The following MCTP1 variants were observed in gnomAD, a reference collection of about 807,000 sequenced individuals.
MCTP1 encodes the protein multiple C2 and transmembrane domain containing 1.
In MCTP1, 69 loss-of-function variants were observed where a neutral mutation model predicts 120.6. That is an observed-to-expected ratio of 0.57 (90% CI 0.47 to 0.70). The LOEUF is 0.70. Among genes scored for constraint, MCTP1 ranks in the 30% least tolerant of loss-of-function variants. MCTP1 has a pLI of 0.00. For missense variants in MCTP1, 1,203 were observed against 1,248.8 expected (o/e 0.96, Z 0.55); for synonymous variants, 529 against 493.1 (o/e 1.07, Z -0.96).
intron 2 of MCTP1, among the ~76,000 whole-genome samples, chr5:95,001,301 G>A (rs1833638518): frequency 6.6e-6 from 1 of 152,134 alleles, no homozygotes; most frequent in Admixed American, 6.5e-5. Flanking sequence ...GTGGGGCGCT[G>A]CTGTAAAGAT....
At chr5:95,173,479 T>A (rs1053028253) in intron 1 of MCTP1, among the ~76,000 whole-genome samples, 2 of 152,196 alleles carry the variant, frequency 1.3e-5, no homozygotes, top group Non-Finnish European at 2.9e-5. Context: ...ACCTCAAGTA[T>A]AGCCATCATC....
chr5:94,704,485 C>T lies in MCTP1; in HGVS notation c.*3011G>A, dbSNP rs1383695862. ...GTAGACTACTTTGAGCATAGGAGACCTTAGATATGAGATCAAAGTGGAAAA... is the reference window on the plus strand; with the variant it reads ...GTAGACTACTTTGAGCATAGGAGACTTTAGATATGAGATCAAAGTGGAAAA... On this transcript the variant is annotated 3_prime_UTR_variant, in exon 23 of 23. Transcript: ENST00000515393. 2 of 151,202 alleles carry T rather than the reference C, an allele frequency of 1.3e-5. No individual in the cohort carries two copies. The highest frequency in any genetic ancestry group is 2.4e-5 in the African/African-American group (1 of 41,240). 9.4% of individuals were successfully genotyped at this position (151,202 alleles called of 1,614,324 possible). A position where few individuals can be genotyped will look rare whatever the true frequency, so the allele number is the denominator to read the frequency against.
intron 17 of MCTP1, among the ~76,000 whole-genome samples, chr5:94,804,984 T>G (rs1781998663): frequency 6.6e-6 from 1 of 152,194 alleles, no homozygotes; most frequent in African/African-American, 2.4e-5. Flanking sequence ...AAAAATTCAT[T>G]ATTACTAGTA....
intron 1 of MCTP1, among the ~76,000 whole-genome samples, chr5:95,138,236 C>CCCCA (rs1554213180): frequency 6.7e-6 from 1 of 150,012 alleles, no homozygotes; most frequent in Non-Finnish European, 1.5e-5. Flanking sequence ...AGATGCAACC[C>CCCCA]CCCCCCGACA....
At chr5:94,840,281 A>G (rs1790726720) in intron 17 of MCTP1, among the ~76,000 whole-genome samples, 1 of 152,254 alleles carries the variant, frequency 6.6e-6, no homozygotes, top group African/African-American at 2.4e-5. Context: ...TAGGAATGCA[A>G]CACTGTATTC....
At chr5:95,125,903 C>T (rs7732431) in intron 1 of MCTP1, among the ~76,000 whole-genome samples, 105,806 of 152,060 alleles carry the variant, frequency 0.7, 36,972 homozygotes, top group Middle Eastern at 0.77. Flanking sequence ...TCCAACAAGA[C>T]CTTCTTCAAC....
intron 1 of MCTP1, among the ~76,000 whole-genome samples, chr5:95,206,788 G>A (rs888274526): frequency 3.3e-5 from 5 of 151,980 alleles, no homozygotes; most frequent in African/African-American, 9.7e-5. Context: ...CACCCCCCTC[G>A]GCCTCCCAAA....
intron 1 of MCTP1, among the ~76,000 whole-genome samples, chr5:95,119,465 T>C (rs1758049137): frequency 6.6e-6 from 1 of 152,064 alleles, no homozygotes; most frequent in African/African-American, 2.4e-5. Context: ...AATGCATCTT[T>C]AAAAGTTAGA....
intron 1 of MCTP1, among the ~76,000 whole-genome samples, chr5:95,168,689 T>C (rs920402948): frequency 6.6e-6 from 1 of 152,204 alleles, no homozygotes; most frequent in African/African-American, 2.4e-5. Context: ...ACTAGTGATT[T>C]GGCTCTGTTT....
intron 1 of MCTP1, among the ~76,000 whole-genome samples, chr5:95,154,850 T>C (rs958380457): frequency 2.0e-5 from 3 of 152,246 alleles, no homozygotes; most frequent in African/African-American, 7.2e-5. Flanking sequence ...TTTGTGATAA[T>C]TTTGTCATTT....
chr5:94,915,712 C>T (rs1809878931), intron 8 of MCTP1, among the ~76,000 whole-genome samples: 1 of 151,830 alleles, frequency 6.6e-6, no homozygotes, highest in Admixed American at 6.6e-5. Flanking sequence ...ACTTGGCTTA[C>T]AGAGTGAGGG....
chr5:95,008,058 C>T (rs754790048), intron 2 of MCTP1, among the ~76,000 whole-genome samples: 11 of 152,126 alleles, frequency 7.2e-5, no homozygotes, highest in African/African-American at 1.4e-4. Flanking sequence ...AGAAACAGAA[C>T]GCCTGTGATA....
At chr5:95,185,789 A>G (rs540377998) in intron 1 of MCTP1, among the ~76,000 whole-genome samples, 1 of 152,240 alleles carries the variant, frequency 6.6e-6, no homozygotes, top group South Asian at 2.1e-4. Context: ...CAAGGTCAGG[A>G]GTTTGAGACC....
intron 1 of MCTP1, among the ~76,000 whole-genome samples, chr5:95,211,409 C>A (rs1328673372): frequency 1.3e-5 from 2 of 152,152 alleles, no homozygotes; most frequent in Non-Finnish European, 2.9e-5. Context: ...TCCCTTCTCG[C>A]TTCATTTAAT....
rs116051877 is a variant in MCTP1 at position 94,902,050 on chromosome 5, C to T, written c.1652+7201G>A. Among the ~76,000 whole-genome samples, 1,439 of 152,232 alleles carry T rather than the reference C, an allele frequency of 9.5e-3. 19 individuals are homozygous for T. The highest frequency in any genetic ancestry group is 0.032 in the African/African-American group (1,344 of 41,548). ...ACAGTGGCACCCTTTGGGGCTCACTCGCCTTTCCTGAATTGCAGTTCATAC... is the reference window on the plus strand; with the variant it reads ...ACAGTGGCACCCTTTGGGGCTCACTTGCCTTTCCTGAATTGCAGTTCATAC... On this transcript the variant is annotated intron_variant, in intron 10 of 22. Transcript: ENST00000515393.
intron 1 of MCTP1, among the ~76,000 whole-genome samples, chr5:95,228,469 A>AG (rs1188097279): frequency 2.2e-4 from 14 of 64,256 alleles, no homozygotes; most frequent in African/African-American, 9.5e-4. Context: ...CATGCAGCCA[A>AG]AAGAGAGAGA....
At chr5:94,931,642 C>T (rs1814715654) in intron 6 of MCTP1, 1 of 304,272 alleles carries the variant, frequency 3.3e-6, no homozygotes, top group Non-Finnish European at 6.0e-6. Flanking sequence ...AGTTGTCCCT[C>T]CCCTAGCCTC....
intron 1 of MCTP1, among the ~76,000 whole-genome samples, chr5:95,108,709 T>G (rs1470301734): frequency 6.6e-6 from 1 of 152,228 alleles, no homozygotes; most frequent in African/African-American, 2.4e-5. Context: ...ATACTGTCAC[T>G]TATGTGTCGT....
chr5:95,228,545 T>C (rs968578812), intron 1 of MCTP1, among the ~76,000 whole-genome samples: 1 of 151,916 alleles, frequency 6.6e-6, no homozygotes, highest in East Asian at 1.9e-4. Context: ...TGTCAAAATA[T>C]ATAAAATTTT....
Sources: allele counts gnomAD v4.1 joint callset (sites outside exome capture counted in the v4.1 genomes callset), GRCh38; gene constraint gnomAD v4.1.1; transcripts MANE v1.5; gene names NCBI Gene and HGNC (gene_info 2026-07-23, HGNC 2026-07-21).